The following RAB36 variants were observed in gnomAD, a reference collection of about 807,000 sequenced individuals.
The protein encoded by RAB36 is RAB36, member RAS oncogene family, also known as ras-related protein Rab-36.
A neutral mutation model predicts 39.3 loss-of-function variants in RAB36; 33 were observed. That is an observed-to-expected ratio of 0.84 (90% CI 0.64 to 1.12). The LOEUF (loss-of-function observed/expected upper bound fraction) is 1.12, where lower values mean the gene tolerates loss of function less well. Among genes scored for constraint, RAB36 ranks in the 50% most tolerant of loss-of-function variants. RAB36 has a pLI of 0.00. For missense variants in RAB36, 308 were observed against 355.3 expected, an observed-to-expected ratio of 0.87 and a Z score of 1.07; for synonymous variants, 133 against 140.2, an observed-to-expected ratio of 0.95 and a Z score of 0.36.
At chr22:23,161,059 C>G in intron 10 of RAB36, 61 bp downstream of exon 10, 1 of 1,534,628 alleles carries the variant, frequency 6.5e-7, no homozygotes, top group Admixed American at 2.0e-5. Flanking sequence ...AATCCACATG[C>G]GCCATCCTCG....
At position 23,158,021 on chromosome 22, in the gene RAB36, G is replaced by A. The variant is rs61758768; in HGVS notation, c.424G>A (p.Val142Met). ...CATCACGGCCTTTGACCTCACTGAC[G>A]TGCAGACCCTGGAGCATACCAGGTA... ...VIITAFDLTDVQTLEHTRQWL... is the reference protein window; with the variant it reads ...VIITAFDLTDMQTLEHTRQWL... The change falls in exon 7 of 11, where the codon GTG becomes ATG. Residue 142 changes from valine to methionine, a missense_variant. Val to Met is a conservative substitution (Grantham distance 21). Coordinates refer to ENST00000263116, the MANE Select transcript of RAB36 (RefSeq NM_004914.5). 50 of 1,614,044 alleles carry A rather than the reference G, an allele frequency of 3.1e-5. No homozygotes were observed. Among genetic ancestry groups the A allele is most frequent in the Admixed American group, 5.0e-5 (3 of 59,988 alleles).
At chr22:23,161,471 A>G in intron 10 of RAB36, 29 bp from the exon 11 acceptor site, 1 of 1,573,458 alleles carries the variant, frequency 6.4e-7, no homozygotes, top group Non-Finnish European at 8.7e-7. Context: ...TTCCTGGTTG[A>G]TGCTAAATTA....
rs1051434716 is a variant in RAB36, at chr22:23,165,041, G to A, written c.*3477G>A. Among the ~76,000 whole-genome samples, 1 of 152,036 alleles carries A rather than the reference G, an allele frequency of 6.6e-6. No individual in the cohort carries two copies. The highest frequency in any genetic ancestry group is 6.6e-5 in the Admixed American group (1 of 15,260). On this transcript the variant is annotated 3_prime_UTR_variant, in exon 11 of 11. Transcript: ENST00000263116. Reference sequence around the variant, plus strand: ...CTCTGTGGACACCCCCACAGCTCTCGCAGCACTTGATACCTTGAGTGTGAT... The same window carrying A: ...CTCTGTGGACACCCCCACAGCTCTCACAGCACTTGATACCTTGAGTGTGAT...
Position 23,146,655 on chromosome 22 carries a change from C to G in RAB36, c.39C>G (p.Ser13Arg), listed in dbSNP as rs546439416. Residue 13 changes from serine (S) to arginine (R), a missense_variant, in exon 2 of 11, where the codon AGC (serine) becomes AGG (arginine). Ser to Arg is a moderately radical substitution (Grantham distance 110). Transcript: ENST00000263116. ...SSLTPLGPPV[S>R]RDRVIASFPK... ...TGACACCTTTGGGGCCCCCTGTGAG[C>G]CGCGACCGTGTCATCGCCAGCTTCC... The G allele has an allele frequency of 7.0e-5, 113 of 1,614,028 alleles. 2 individuals carry two copies. In the South Asian group the frequency reaches 1.2e-3, roughly 17 times the overall value.
chr22:23,149,387 G>A (rs1336033191), intron 2 of RAB36, among the ~76,000 whole-genome samples: 2 of 152,158 alleles, frequency 1.3e-5, no homozygotes, highest in African/African-American at 4.8e-5. Flanking sequence ...GGTGGGTGGG[G>A]TACGTGCAGT....
At chr22:23,146,405 T>G (rs2070775565) in intron 1 of RAB36, among the ~76,000 whole-genome samples, 200 bp from the exon 2 acceptor site, 1 of 151,410 alleles carries the variant, frequency 6.6e-6, no homozygotes, top group South Asian at 2.1e-4. Flanking sequence ...GAGACTGAGG[T>G]TTCACTTTGT....
At chr22:23,154,430 G>C (rs926515407) in intron 5 of RAB36, among the ~76,000 whole-genome samples, 9 of 152,228 alleles carry the variant, frequency 5.9e-5, no homozygotes, top group Admixed American at 3.9e-4. Flanking sequence ...TGGAGATGGA[G>C]GATAACAAAT....
At chr22:23,150,213 G>A in intron 3 of RAB36, 59 bp downstream of exon 3, 2 of 1,334,220 alleles carry the variant, frequency 1.5e-6, no homozygotes, top group Admixed American at 1.9e-5. Flanking sequence ...AGTGCATGAA[G>A]CACGTGAAAG....
At chr22:23,145,677 G>T in intron 1 of RAB36, 126 bp downstream of exon 1, 2 of 1,172,698 alleles carry the variant, frequency 1.7e-6, no homozygotes, top group East Asian at 2.6e-5. Context: ...CTTGAAAGCG[G>T]CCTGCGGCCC....
Position 23,157,986 on chromosome 22 carries a change from G to A in RAB36, c.395-6G>A. On this transcript the variant is annotated splice_region_variant and splice_polypyrimidine_tract_variant and intron_variant, in intron 6 of 10. Transcript: ENST00000263116. ...GATTGGCTGTTGGCTTTTTCCGGGT[G>A]TCTAGTGATCATCACGGCCTTTGAC... 1.9e-6 allele frequency: 3 copies of A among 1,614,212 alleles called. No individual in the cohort carries two copies. The highest frequency in any genetic ancestry group is 2.5e-6 in the Non-Finnish European group (3 of 1,180,020).
intron 6 of RAB36, among the ~76,000 whole-genome samples, chr22:23,157,624 T>G (rs1191865500): frequency 6.6e-6 from 1 of 152,226 alleles, no homozygotes; most frequent in Non-Finnish European, 1.5e-5. Flanking sequence ...GCTACAGGTC[T>G]CGTCCTCGCC....
At position 23,159,229 on chromosome 22, in the gene RAB36, T is replaced by C. The variant is rs1318052170; in HGVS notation, c.595T>C (p.Tyr199His). ...CCTGGCCAGGGAGATGCAGGCCGAG[T>C]ACTGGTCAGTGTCGGCCAAGACTGG... ...VHLAREMQAEYWSVSAKTGEN... is the reference protein window; with the variant it reads ...VHLAREMQAEHWSVSAKTGEN... Residue 199 changes from tyrosine to histidine, a missense_variant, in exon 9 of 11, where the codon TAC becomes CAC. Tyr to His is a moderately conservative substitution (Grantham distance 83). Transcript: ENST00000263116. 1 of 1,601,602 alleles carries C rather than the reference T, an allele frequency of 6.2e-7. No individual in the cohort carries two copies.
intron 10 of RAB36, 85 bp downstream of exon 10, chr22:23,161,083 T>TG: frequency 6.8e-7 from 1 of 1,459,896 alleles, no homozygotes; most frequent in African/African-American, 1.4e-5. Context: ...CCTGAGGCCT[T>TG]GCCATTTCCT....
chr22:23,145,540 C>T lies in RAB36; in HGVS notation c.-24C>T. 6.2e-7 allele frequency: 1 copy of T among 1,601,752 alleles called. No homozygotes were observed. Among genetic ancestry groups the T allele is most frequent in the Non-Finnish European group, 8.5e-7 (1 of 1,179,166 alleles). On this transcript the variant is annotated 5_prime_UTR_variant, in exon 1 of 11. An upstream open reading frame in the 5' UTR gains an earlier in-frame stop. Coordinates refer to ENST00000263116, the MANE Select transcript of RAB36 (RefSeq NM_004914.5). ...AGGCCGCGCGGAGCCCCAGCTTTCA[C>T]AGCCATCGCTGGTGAGTCAGCTCGC...
intron 6 of RAB36, among the ~76,000 whole-genome samples, chr22:23,156,700 C>G (rs1466074811): frequency 1.3e-5 from 2 of 152,232 alleles, no homozygotes; most frequent in African/African-American, 4.8e-5. Context: ...ACAACATTTT[C>G]TTTTAGACTT....
chr22:23,145,631 G>A, intron 1 of RAB36, 80 bp downstream of exon 1: 1 of 1,441,348 alleles, frequency 6.9e-7, no homozygotes, highest in Non-Finnish European at 9.3e-7. Context: ...AGGGCCGCGA[G>A]GGCACAGCGT....
chr22:23,146,018 A>G, intron 1 of RAB36: 3 of 985,126 alleles, frequency 3.0e-6, no homozygotes, highest in South Asian at 4.7e-5. Context: ...GCCATGCCTC[A>G]CAGCCCAGTA....
downstream of RAB36, among the ~76,000 whole-genome samples, chr22:23,166,100 C>G (rs1172147773): frequency 7.9e-6 from 1 of 126,564 alleles, no homozygotes; most frequent in African/African-American, 3.0e-5. Context: ...GAGCCGAGAT[C>G]TTGCCACTGC....
rs987891287 is a variant in RAB36 at position 23,164,583 on chromosome 22, C to T, written c.*3019C>T. Among the ~76,000 whole-genome samples the T allele has an allele frequency of 3.3e-5, 5 of 152,174 alleles. No individual in the cohort carries two copies. The highest frequency in any genetic ancestry group is 1.2e-4 in the African/African-American group (5 of 41,438). On this transcript the variant is annotated 3_prime_UTR_variant, in exon 11 of 11. Coordinates refer to ENST00000263116, the MANE Select transcript of RAB36 (RefSeq NM_004914.5). ...AAGACATTTCCTTCTTTCCCAGCAT[C>T]GGGCAGTAAGTTTCCTGGGCAGAGG...
Sources: allele counts gnomAD v4.1 joint callset (sites outside exome capture counted in the v4.1 genomes callset), GRCh38; gene constraint gnomAD v4.1.1; transcripts MANE v1.5; gene names NCBI Gene and HGNC (gene_info 2026-07-23, HGNC 2026-07-21).